The following NFAT5 variants were observed in gnomAD, a reference collection of about 807,000 sequenced individuals.
The protein encoded by NFAT5 is nuclear factor of activated T cells 5.
Under a neutral mutation model 166.5 loss-of-function variants are expected in NFAT5, and 31 were observed. The ratio of observed to expected loss-of-function variants is 0.19; its 90% confidence interval spans 0.14 to 0.25. The LOEUF is 0.25. Ranked by LOEUF, NFAT5 falls within the 10% of genes least tolerant of loss-of-function variation. NFAT5 has a pLI of 1.00. For missense variants in NFAT5, 1,449 were observed against 1,821.8 expected (o/e 0.80, Z 3.72); for synonymous variants, 612 against 639.7 (o/e 0.96, Z 0.65).
At chr16:69,676,090 CTA>C (rs1306479262) in intron 9 of NFAT5, among the ~76,000 whole-genome samples, 1 of 152,178 alleles carries the variant, frequency 6.6e-6, no homozygotes, top group African/African-American at 2.4e-5. Flanking sequence ...TGTAGTCTAA[CTA>C]AATTTTAAAT....
intron 2 of NFAT5, among the ~76,000 whole-genome samples, chr16:69,608,464 G>T (rs1298038367): frequency 6.6e-6 from 1 of 150,902 alleles, no homozygotes; most frequent in Non-Finnish European, 1.5e-5. Flanking sequence ...AGCTTAAGAA[G>T]ACTGCTGGGT....
intron 3 of NFAT5, among the ~76,000 whole-genome samples, chr16:69,638,735 CAAAAAAA>C (rs34075469): frequency 2.0e-4 from 18 of 88,198 alleles, no homozygotes; most frequent in African/African-American, 6.6e-4. Context: ...GACTCGGTCT[CAAAAAAA>C]AAAAAAAAAA....
chr16:69,672,495 G>A (rs2036664394), intron 9 of NFAT5, among the ~76,000 whole-genome samples: 1 of 152,120 alleles, frequency 6.6e-6, no homozygotes, highest in South Asian at 2.1e-4. Flanking sequence ...ACCAACAATA[G>A]CTTCCTCTGG....
At chr16:69,572,788 A>G (rs1476475950) in intron 2 of NFAT5, among the ~76,000 whole-genome samples, 1 of 152,200 alleles carries the variant, frequency 6.6e-6, no homozygotes, top group Non-Finnish European at 1.5e-5. Context: ...ATCAAATGAA[A>G]GAACTGGTTA....
At chr16:69,661,525 G>C (rs1480135919) in intron 7 of NFAT5, among the ~76,000 whole-genome samples, 2 of 91,714 alleles carry the variant, frequency 2.2e-5, no homozygotes, top group African/African-American at 4.6e-5. Flanking sequence ...GCCTGTATAA[G>C]AGACCCAGTC....
At chr16:69,664,235 T>C (rs973558100) in intron 7 of NFAT5, among the ~76,000 whole-genome samples, 1 of 152,214 alleles carries the variant, frequency 6.6e-6, no homozygotes, top group Non-Finnish European at 1.5e-5. Context: ...GGTTGAAATA[T>C]TTGCTTACTT....
At chr16:69,672,271 C>G (rs542847695) in intron 9 of NFAT5, among the ~76,000 whole-genome samples, 1 of 152,210 alleles carries the variant, frequency 6.6e-6, no homozygotes, top group African/African-American at 2.4e-5. Flanking sequence ...TGGGCAATAT[C>G]TCCTAGGGTT....
At chr16:69,603,758 A>G (rs1597385502) in intron 2 of NFAT5, among the ~76,000 whole-genome samples, 1 of 152,268 alleles carries the variant, frequency 6.6e-6, no homozygotes, top group East Asian at 1.9e-4. Context: ...CTCAAAACAA[A>G]CACAGAACAT....
intron 2 of NFAT5, among the ~76,000 whole-genome samples, chr16:69,624,497 G>A (rs541442004): frequency 3.9e-5 from 6 of 152,132 alleles, no homozygotes; most frequent in African/African-American, 1.4e-4. Context: ...GAGCCACCGC[G>A]CCTGGCCCAG....
Position 69,647,647 on chromosome 16 carries a change from ATTCC to A in NFAT5, c.812+62_812+65del, listed in dbSNP as rs2035495078. The A allele has an allele frequency of 6.9e-7, 1 of 1,452,674 alleles. No homozygotes were observed. Among genetic ancestry groups the A allele is most frequent in the Admixed American group, 2.3e-5 (1 of 43,442 alleles). 90.0% of individuals were successfully genotyped at this position (1,452,674 alleles called of 1,614,324 possible). A position where few individuals can be genotyped will look rare whatever the true frequency, so the allele number is the denominator to read the frequency against. ...TATGCAAAACAAACAAACAAAAAAA[ATTCC>A]CAATTTTTCCTAATTGCTGAGCTCA... On this transcript the variant is annotated intron_variant, in intron 4 of 14. Coordinates refer to ENST00000349945, the MANE Select transcript of NFAT5 (RefSeq NM_138713.4). The surrounding 1 kb of genome is among the most constrained non-coding windows in gnomAD (Gnocchi z 4.8).
chr16:69,614,320 C>T (rs528418437), intron 2 of NFAT5, among the ~76,000 whole-genome samples: 4 of 152,160 alleles, frequency 2.6e-5, no homozygotes, highest in South Asian at 2.1e-4. Context: ...ACGCTCGGCC[C>T]TAGATTGGTT....
Position 69,588,619 on chromosome 16 carries a change from C to T in NFAT5, c.127+20071C>T, listed in dbSNP as rs150441157. 2.2e-3 allele frequency among the ~76,000 whole-genome samples: 339 copies of T among 152,308 alleles called. 2 individuals carry two copies. Among genetic ancestry groups the T allele is most frequent in the South Asian group, 5.8e-3 (28 of 4,824 alleles). Reference sequence around the variant, plus strand: ...AGTACTTCTTCAGATTGCTAGGCTACTTACCAGAATCATCAACTACTAACT... The same window carrying T: ...AGTACTTCTTCAGATTGCTAGGCTATTTACCAGAATCATCAACTACTAACT... On this transcript the variant is annotated intron_variant, in intron 2 of 14. Transcript: ENST00000349945.
rs1343485384 is a variant in NFAT5, at chr16:69,656,387, T to C, written c.1196+588T>C. Among the ~76,000 whole-genome samples the C allele has an allele frequency of 2.6e-5, 4 of 151,952 alleles. No individual in the cohort carries two copies. In the East Asian group the frequency reaches 7.7e-4, roughly 29 times the overall value. ...CTTTTTTGGGTTTATAATAGTAACATTGAAAATAAAAACTTCAATTTGATT... is the reference window on the plus strand; with the variant it reads ...CTTTTTTGGGTTTATAATAGTAACACTGAAAATAAAAACTTCAATTTGATT... On this transcript the variant is annotated intron_variant, in intron 6 of 14. Transcript: ENST00000349945.
At chr16:69,672,232 A>G (rs2036652728) in intron 9 of NFAT5, among the ~76,000 whole-genome samples, 1 of 152,248 alleles carries the variant, frequency 6.6e-6, no homozygotes, top group Non-Finnish European at 1.5e-5. Flanking sequence ...AATGGGACTT[A>G]ACAAACATTC....
intron 3 of NFAT5, among the ~76,000 whole-genome samples, chr16:69,642,341 C>T (rs1194868547): frequency 1.3e-5 from 2 of 152,166 alleles, no homozygotes; most frequent in South Asian, 2.1e-4. Context: ...TTAATAGTGG[C>T]AAACAGACTT....
At chr16:69,665,221 G>A (rs2036318328) in intron 7 of NFAT5, among the ~76,000 whole-genome samples, 1 of 151,454 alleles carries the variant, frequency 6.6e-6, no homozygotes. Flanking sequence ...CATACTGAAT[G>A]GGCAAAAACT....
intron 2 of NFAT5, among the ~76,000 whole-genome samples, chr16:69,616,861 C>T (rs759134541): frequency 5.3e-5 from 8 of 151,716 alleles, no homozygotes; most frequent in Non-Finnish European, 8.8e-5. Flanking sequence ...TATAGGTATC[C>T]TTCCCCCTCC....
Position 69,704,406 on chromosome 16 carries a change from A to G in NFAT5, c.*8055A>G, listed in dbSNP as rs2037948370. 6.6e-6 allele frequency: 1 copy of G among 152,580 alleles called. No individual in the cohort carries two copies. The highest frequency in any genetic ancestry group is 1.5e-5 in the Non-Finnish European group (1 of 68,026). 9.5% of individuals were successfully genotyped at this position (152,580 alleles called of 1,614,324 possible). ...ATCAACCACTGAACTGCCTTCTTCCATTGTCCTGCAATGATATAAGGGTTA... is the reference window on the plus strand; with the variant it reads ...ATCAACCACTGAACTGCCTTCTTCCGTTGTCCTGCAATGATATAAGGGTTA... On this transcript the variant is annotated 3_prime_UTR_variant, in exon 15 of 15. Transcript: ENST00000349945.
intron 7 of NFAT5, among the ~76,000 whole-genome samples, chr16:69,668,502 T>C (rs2036494333): frequency 6.6e-6 from 1 of 152,178 alleles, no homozygotes; most frequent in Admixed American, 6.5e-5. Context: ...CAGAATTCAT[T>C]TGTGTTTCAT....
Sources: gnomAD v4.1 joint callset for allele counts (sites outside exome capture counted in the v4.1 genomes callset) on GRCh38, gnomAD v4.1.1 for gene constraint, Gnocchi (gnomAD v3.1) non-coding constraint, MANE v1.5 for transcripts, NCBI Gene and HGNC (gene_info 2026-07-23, HGNC 2026-07-21) for gene names.